Variants in CCDC186 observed in about 807,000 individuals in gnomAD.
CCDC186 encodes the protein coiled-coil domain-containing protein 186.
CCDC186 carries 49 observed loss-of-function variants against 113.7 expected under a neutral mutation model. That is an observed-to-expected ratio of 0.43 (90% confidence interval 0.34 to 0.55). The LOEUF is 0.55. CCDC186 is among the 20% of genes least tolerant of loss of function. CCDC186 has a pLI of 0.02. For missense variants in CCDC186, 890 were observed against 1,011.1 expected, an observed-to-expected ratio of 0.88 and a Z score of 1.62; for synonymous variants, 355 against 345.8, an observed-to-expected ratio of 1.03 and a Z score of -0.30.
intron 6 of CCDC186, among the ~76,000 whole-genome samples, chr10:114,138,242 A>AAAAACAAAAC (rs550818343): frequency 5.3e-4 from 76 of 144,336 alleles, no homozygotes; most frequent in East Asian, 3.0e-3. Flanking sequence ...TTTGTCACAA[A>AAAAACAAAAC]AAAACAAAAC....
intron 3 of CCDC186, among the ~76,000 whole-genome samples, chr10:114,153,359 G>C (rs11596864): frequency 1.3e-5 from 2 of 152,050 alleles, no homozygotes; most frequent in Non-Finnish European, 2.9e-5. Flanking sequence ...AAGAAACACA[G>C]AAGAAATTGC....
intron 1 of CCDC186, among the ~76,000 whole-genome samples, chr10:114,172,247 A>C (rs189407061): frequency 9.8e-5 from 15 of 152,356 alleles, no homozygotes; most frequent in African/African-American, 2.6e-4. Flanking sequence ...TTATTTTCTA[A>C]ATCTCCAAAT....
intron 6 of CCDC186, among the ~76,000 whole-genome samples, chr10:114,142,286 C>T (rs1481981881): frequency 6.6e-6 from 1 of 152,240 alleles, no homozygotes; most frequent in East Asian, 1.9e-4. Context: ...ATATTACCAT[C>T]TACAACCTCC....
intron 6 of CCDC186, among the ~76,000 whole-genome samples, chr10:114,143,027 C>G (rs1405306674): frequency 1.3e-5 from 2 of 152,178 alleles, no homozygotes; most frequent in Non-Finnish European, 2.9e-5. Flanking sequence ...TCCAAGTTAT[C>G]TAATACAGTG....
At position 114,129,899 on chromosome 10, in the gene CCDC186, C is replaced by T. The variant is rs2031032809; in HGVS notation, c.2174G>A (p.Ser725Asn). The T allele has an allele frequency of 3.1e-6, 5 of 1,613,332 alleles. No individual in the cohort carries two copies. Among genetic ancestry groups the T allele is most frequent in the Non-Finnish European group, 4.2e-6 (5 of 1,179,598 alleles). The change falls in exon 13 of 16, where the codon AGT (serine) becomes AAT (asparagine). Residue 725 changes from serine to asparagine, a missense_variant. By Grantham distance (46) the Ser-to-Asn change is conservative. Coordinates refer to ENST00000369287, the MANE Select transcript of CCDC186 (RefSeq NM_018017.4). ...KEVSSMGSRS[S>N]SSGSLNARSS... Reference sequence around the variant, plus strand: ...AGCCACTAGTTTTTTACCTGATGAACTAGAACGACTTCCCATGCTGCTGAC... The same window carrying T: ...AGCCACTAGTTTTTTACCTGATGAATTAGAACGACTTCCCATGCTGCTGAC...
intron 6 of CCDC186, among the ~76,000 whole-genome samples, chr10:114,143,515 T>A (rs1421366515): frequency 1.3e-5 from 2 of 152,170 alleles, no homozygotes; most frequent in African/African-American, 4.8e-5. Flanking sequence ...TCCTCCTCCT[T>A]TCTGAAAATT....
chr10:114,165,227 C>T (rs1001064347), intron 1 of CCDC186, among the ~76,000 whole-genome samples: 1 of 152,186 alleles, frequency 6.6e-6, no homozygotes, highest in Non-Finnish European at 1.5e-5. Flanking sequence ...TATTTTATAA[C>T]CAAGCCAAAG....
rs77629573 is a variant in CCDC186, at chr10:114,127,335, G to C, written c.2393+126C>G. On this transcript the variant is annotated intron_variant, in intron 14 of 15. Transcript: ENST00000369287. ...ATAATAGGTGACCATAAAAGACTGG[G>C]AACTGAATAACTATAATTATTTTTT... 2.2e-3 allele frequency: 1,890 copies of C among 853,084 alleles called. 26 individuals carry two copies. In the African/African-American group the frequency reaches 0.028, roughly 13 times the overall value. The allele number at this position is 853,084 out of a possible 1,614,324, so 52.8% of individuals were successfully genotyped here. A position where few individuals can be genotyped will look rare whatever the true frequency, so the allele number is the denominator to read the frequency against.
chr10:114,144,925 A>C (rs1347357702), intron 5 of CCDC186, among the ~76,000 whole-genome samples: 1 of 152,152 alleles, frequency 6.6e-6, no homozygotes, highest in African/African-American at 2.4e-5. Flanking sequence ...TGGTTTTGTC[A>C]GAATTCCTGA....
rs1255483966 is a variant in CCDC186 at position 114,122,892 on chromosome 10, TTTC to T, written c.*2248_*2250del. On this transcript the variant is annotated 3_prime_UTR_variant, in exon 16 of 16. Coordinates refer to ENST00000369287, the MANE Select transcript of CCDC186 (RefSeq NM_018017.4). ...GAGTCAAAATATTGTTTGTAATACT[TTTC>T]TTCTAAAATTTTCTCATTAAACTTC... 1 of 152,138 alleles carries T rather than the reference TTTC, an allele frequency of 6.6e-6. No homozygotes were observed. The highest frequency in any genetic ancestry group is 1.5e-5 in the Non-Finnish European group (1 of 68,024). 9.4% of individuals were successfully genotyped at this position (152,138 alleles called of 1,614,324 possible).
intron 6 of CCDC186, among the ~76,000 whole-genome samples, chr10:114,141,003 AT>A (rs1353696429): frequency 6.6e-6 from 1 of 151,422 alleles, no homozygotes; most frequent in African/African-American, 2.4e-5. Flanking sequence ...TGATCCTCCC[AT>A]CTCAGCCTCC....
At chr10:114,167,948 T>A (rs1001726338) in intron 1 of CCDC186, among the ~76,000 whole-genome samples, 1 of 152,052 alleles carries the variant, frequency 6.6e-6, no homozygotes, top group African/African-American at 2.4e-5. Context: ...ATGGCACCAC[T>A]GTACTCCAGC....
chr10:114,133,180 T>A (rs1179235072), intron 10 of CCDC186, among the ~76,000 whole-genome samples: 1 of 152,184 alleles, frequency 6.6e-6, no homozygotes, highest in Non-Finnish European at 1.5e-5. Flanking sequence ...GCTAATAGCT[T>A]GGACTATGGT....
intron 1 of CCDC186, among the ~76,000 whole-genome samples, chr10:114,166,834 A>C (rs57450005): frequency 0.058 from 8,864 of 152,168 alleles, 294 homozygotes; most frequent in Middle Eastern, 0.078. Context: ...TAGATTTAAA[A>C]AGCTGTTTAT....
Position 114,155,041 on chromosome 10 carries a change from G to A in CCDC186, c.759+2513C>T, listed in dbSNP as rs371957897. On this transcript the variant is annotated intron_variant, in intron 3 of 15. Transcript: ENST00000369287. ...AACGTCCAGAACAGGCAAATATATA[G>A]AGACCGAAAGATTACTTGTTCCCTA... 3.3e-5 allele frequency among the ~76,000 whole-genome samples: 5 copies of A among 152,138 alleles called. No homozygotes were observed. The East Asian group carries it at 5.8e-4, about 18-fold the overall frequency.
At chr10:114,151,966 G>C (rs1430785689) in intron 3 of CCDC186, among the ~76,000 whole-genome samples, 1 of 152,140 alleles carries the variant, frequency 6.6e-6, no homozygotes, top group South Asian at 2.1e-4. Context: ...AAACTGTGAA[G>C]AAGAAAAAAG....
At chr10:114,160,509 A>G (rs1205335485) in intron 2 of CCDC186, among the ~76,000 whole-genome samples, 1 of 152,186 alleles carries the variant, frequency 6.6e-6, no homozygotes, top group African/African-American at 2.4e-5. Context: ...AAATTTGTTT[A>G]GACAGTAGAT....
chr10:114,135,033 C>G lies in CCDC186; in HGVS notation c.1535G>C (p.Arg512Pro). The change falls in exon 10 of 16, where the codon CGA becomes CCA. Residue 512 changes from arginine (R) to proline (P), a missense_variant. Coordinates refer to ENST00000369287, the MANE Select transcript of CCDC186 (RefSeq NM_018017.4). ...RTKVKCLEDE[R>P]LRTEDELSKY... ...TGATAATTCATCTTCTGTTCTTAAT[C>G]GTTCATCTTCTAGACATTTCACCTA... 2 of 1,608,860 alleles carry G rather than the reference C, an allele frequency of 1.2e-6. No individual in the cohort carries two copies. Among genetic ancestry groups the G allele is most frequent in the Non-Finnish European group, 1.7e-6 (2 of 1,178,712 alleles).
chr10:114,167,927 A>C (rs573820655), intron 1 of CCDC186, among the ~76,000 whole-genome samples: 1 of 152,128 alleles, frequency 6.6e-6, no homozygotes, highest in South Asian at 2.1e-4. Context: ...TCAAAGCTGC[A>C]ATGAGCTATG....
Sources: gnomAD v4.1 joint callset for allele counts (sites outside exome capture counted in the v4.1 genomes callset) on GRCh38, gnomAD v4.1.1 for gene constraint, MANE v1.5 for transcripts, NCBI Gene and HGNC (gene_info 2026-07-23, HGNC 2026-07-21) for gene names.